The following DCTN1 variants were observed in gnomAD, a reference collection of about 807,000 sequenced individuals.
DCTN1 encodes dynactin subunit 1.
Under a neutral mutation model 161.2 loss-of-function variants are expected in DCTN1, and 61 were observed. The ratio of observed to expected loss-of-function variants is 0.38; its 90% CI spans 0.31 to 0.47. DCTN1 has a LOEUF of 0.47. Among genes scored for constraint, DCTN1 ranks in the 20% least tolerant of loss-of-function variants. The probability of loss-of-function intolerance (pLI) is 0.99; values close to 1 mark genes in which losing one functional copy is unlikely to be tolerated. For missense variants in DCTN1, 1,404 were observed against 1,623.7 expected, an observed-to-expected ratio of 0.86 and a Z score of 2.33; for synonymous variants, 653 against 632.4, an observed-to-expected ratio of 1.03 and a Z score of -0.49.
At chr2:74,390,413 T>C (rs182136855) in intron 1 of DCTN1, among the ~76,000 whole-genome samples, 1 of 152,354 alleles carries the variant, frequency 6.6e-6, no homozygotes, top group Non-Finnish European at 1.5e-5. Context: ...TGGGATGCCC[T>C]ATATGCAGAT....
At chr2:74,365,346 G>T (rs946495100) in intron 25 of DCTN1, 105 bp from the exon 26 acceptor site, 2 of 1,558,708 alleles carry the variant, frequency 1.3e-6, no homozygotes, top group Admixed American at 1.8e-5. Context: ...GAGAAGCCAG[G>T]GCAGAGCAGC....
At chr2:74,375,976 C>A (rs1675198960) in intron 5 of DCTN1, among the ~76,000 whole-genome samples, 1 of 152,190 alleles carries the variant, frequency 6.6e-6, no homozygotes, top group African/African-American at 2.4e-5. Context: ...TACATACAGG[C>A]CAGACAGGCA....
In DCTN1 at chr2:74,365,884, T is replaced by G. The variant is rs987924253; in HGVS notation, c.2886+9A>C. ...TGGCCCCCAGATCCTGAGCCTACACTACCCTCACCTTAATCTTGAGTGACT... is the reference window on the plus strand; with the variant it reads ...TGGCCCCCAGATCCTGAGCCTACACGACCCTCACCTTAATCTTGAGTGACT... On this transcript the variant is annotated intron_variant, in intron 24 of 31. Coordinates refer to ENST00000628224, the MANE Select transcript of DCTN1 (RefSeq NM_004082.5). 6.2e-7 allele frequency: 1 copy of G among 1,614,208 alleles called. No homozygotes were observed. Among genetic ancestry groups the G allele is most frequent in the Non-Finnish European group, 8.5e-7 (1 of 1,180,032 alleles).
chr2:74,363,287 C>G lies in DCTN1; in HGVS notation c.3345+7G>C, dbSNP rs1389891195. On this transcript the variant is annotated splice_region_variant and intron_variant, in intron 28 of 31. Transcript: ENST00000628224. ...TCCCATCCCAGTCCTCCCCGTGGCT[C>G]CCTCACCTTGAGGATGCTGTTCTCA... 3.7e-6 allele frequency: 6 copies of G among 1,613,954 alleles called. No homozygotes were observed. The highest frequency in any genetic ancestry group is 5.1e-6 in the Non-Finnish European group (6 of 1,180,002).
chr2:74,380,746 C>T (rs993264404), upstream of DCTN1, among the ~76,000 whole-genome samples: 1 of 152,192 alleles, frequency 6.6e-6, no homozygotes, highest in South Asian at 2.1e-4. Context: ...GCCCAGGAGG[C>T]AGCAAGAGAA....
chr2:74,362,874 A>G, intron 29 of DCTN1, 120 bp downstream of exon 29: 1 of 1,358,654 alleles, frequency 7.4e-7, no homozygotes. Flanking sequence ...TGAACAGTGA[A>G]GCCAAAGAAC....
Position 74,367,680 on chromosome 2 carries a change from A to C in DCTN1, c.2184+16T>G. 3 of 1,614,108 alleles carry C rather than the reference A, an allele frequency of 1.9e-6. No homozygotes were observed. Among genetic ancestry groups the C allele is most frequent in the South Asian group, 1.1e-5 (1 of 91,064 alleles). ...TTCCCTGCCTCCTGCCCCAAGCCCA[A>C]ATTCTTGCCCCACACCTGATAGTAC... On this transcript the variant is annotated intron_variant, in intron 18 of 31. Coordinates refer to ENST00000628224, the MANE Select transcript of DCTN1 (RefSeq NM_004082.5).
chr2:74,370,396 T>C lies in DCTN1; in HGVS notation c.1128-51A>G, dbSNP rs1299238045. 8 of 1,614,068 alleles carry C rather than the reference T, an allele frequency of 5.0e-6. No individual in the cohort carries two copies. In the East Asian group the frequency reaches 1.6e-4, roughly 31 times the overall value. On this transcript the variant is annotated intron_variant, in intron 11 of 31. Coordinates refer to ENST00000628224, the MANE Select transcript of DCTN1 (RefSeq NM_004082.5). This position sits in a 1 kb window ranked among gnomAD's most constrained non-coding sequence, Gnocchi z 4.4. The stretch of plus-strand genomic sequence containing the variant: ...GGAGGAAAGCACGTGTCAGAGTCTC[T>C]GGCGATGGGTGCTCTAACACATTTG...
At chr2:74,371,280 C>T (rs991735887) in intron 8 of DCTN1, 104 bp from the exon 9 acceptor site, 3 of 1,601,514 alleles carry the variant, frequency 1.9e-6, no homozygotes, top group Non-Finnish European at 2.5e-6. Context: ...ATCACCCAGC[C>T]CCAGGGTGGC....
intron 31 of DCTN1, 142 bp downstream of exon 31, chr2:74,361,910 T>C (rs1401153737): frequency 2.6e-5 from 24 of 913,598 alleles, no homozygotes; most frequent in African/African-American, 1.5e-4. Context: ...CTGAGTTACT[T>C]GTAAGTAAAA....
rs774374037 is a variant in DCTN1, at chr2:74,362,097, T to C, written c.3654A>G (p.Thr1218=). 67 of 1,613,734 alleles carry C rather than the reference T, an allele frequency of 4.2e-5. No homozygotes were observed. Among genetic ancestry groups the C allele is most frequent in the Non-Finnish European group, 4.7e-5 (56 of 1,179,862 alleles). The change falls in exon 31 of 32, where the codon ACA becomes ACG. Residue 1218 remains threonine (T), a synonymous_variant. Coordinates refer to ENST00000628224, the MANE Select transcript of DCTN1 (RefSeq NM_004082.5). ...KETVSQRPGA[T]VPTDFATFPS... ...GGAAGGTGGCAAAGTCAGTGGGTACTGTGGCTCCAGGGCGCTGAGATACTG... is the reference window on the plus strand; with the variant it reads ...GGAAGGTGGCAAAGTCAGTGGGTACCGTGGCTCCAGGGCGCTGAGATACTG...
chr2:74,385,514 A>T (rs1287906319), intron 1 of DCTN1: 1 of 152,290 alleles, frequency 6.6e-6, no homozygotes, highest in Non-Finnish European at 1.5e-5. Context: ...ACTTCAGCAA[A>T]AGCCAAAGCA....
chr2:74,362,450 C>G (rs1198441568), intron 30 of DCTN1, among the ~76,000 whole-genome samples, 200 bp downstream of exon 30: 2 of 152,154 alleles, frequency 1.3e-5, no homozygotes, highest in Non-Finnish European at 2.9e-5. Flanking sequence ...AAAGATTACC[C>G]TAGCTTATCC....
At position 74,371,523 on chromosome 2, in the gene DCTN1, AC is replaced by A; in HGVS notation, c.645+13del. 1 of 1,558,614 alleles carries A rather than the reference AC, an allele frequency of 6.4e-7. No individual in the cohort carries two copies. The highest frequency in any genetic ancestry group is 1.2e-5 in the South Asian group (1 of 84,626). On this transcript the variant is annotated intron_variant, in intron 8 of 31. Transcript: ENST00000628224. The stretch of plus-strand genomic sequence containing the variant: ...GGTGTCTTGATTCTCCTTTACCCCT[AC>A]CCCAGGCCTTACCTTGGATGGGGAA...
In DCTN1 at chr2:74,370,769, A is replaced by G; in HGVS notation, c.900T>C (p.Thr300=). The G allele has an allele frequency of 6.2e-7, 1 of 1,614,190 alleles. No homozygotes were observed. Among genetic ancestry groups the G allele is most frequent in the South Asian group, 1.1e-5 (1 of 91,086 alleles). ...KERYMEEMAD[T]ADAIEMATLD... ...AAGTGGCCATCTCAATGGCATCAGC[A>G]GTATCAGCCATCTCCTCCATATAGC... Residue 300 remains threonine (T), a synonymous_variant, in exon 10 of 32, where the codon ACT becomes ACC. Coordinates refer to ENST00000628224, the MANE Select transcript of DCTN1 (RefSeq NM_004082.5). This position sits in a 1 kb window ranked among gnomAD's most constrained non-coding sequence, Gnocchi z 4.4.
Position 74,370,358 on chromosome 2 carries a change from G to C in DCTN1, c.1128-13C>G, listed in dbSNP as rs1674745312. On this transcript the variant is annotated splice_polypyrimidine_tract_variant and intron_variant, in intron 11 of 31. Transcript: ENST00000628224. The surrounding 1 kb of genome is among the most constrained non-coding windows in gnomAD (Gnocchi z 4.4). The stretch of plus-strand genomic sequence containing the variant: ...AAGATCCCGCATCCTGCAGGGATGT[G>C]AGGAAGGCAGAAGGAGGAAAGCACG... 1 of 1,613,982 alleles carries C rather than the reference G, an allele frequency of 6.2e-7. No homozygotes were observed.
Position 74,367,552 on chromosome 2 carries a change from G to T in DCTN1, c.2185-132C>A, listed in dbSNP as rs1558938122. ...GAGAATCCAAAGCCCTCAAGCAGCT[G>T]CATCATATGGAGAGTTCATCTAAGA... On this transcript the variant is annotated intron_variant, in intron 18 of 31. Coordinates refer to ENST00000628224, the MANE Select transcript of DCTN1 (RefSeq NM_004082.5). The T allele has an allele frequency of 4.1e-6, 6 of 1,468,876 alleles. No homozygotes were observed. The Admixed American group carries it at 5.4e-5, about 13-fold the overall frequency. The allele number at this position is 1,468,876 out of a possible 1,614,324, so 91.0% of individuals were successfully genotyped here. A position where few individuals can be genotyped will look rare whatever the true frequency, so the allele number is the denominator to read the frequency against.
Position 74,366,391 on chromosome 2 carries a change from G to A in DCTN1, c.2629-16C>T. ...TCCCATAGATCTGCAGGAGCCAAGG[G>A]CAGAAGTAAAAGCCCCACACTGGTC... On this transcript the variant is annotated splice_polypyrimidine_tract_variant and intron_variant, in intron 22 of 31. Coordinates refer to ENST00000628224, the MANE Select transcript of DCTN1 (RefSeq NM_004082.5). 1 of 1,614,204 alleles carries A rather than the reference G, an allele frequency of 6.2e-7. No individual in the cohort carries two copies. Among genetic ancestry groups the A allele is most frequent in the Non-Finnish European group, 8.5e-7 (1 of 1,180,044 alleles).
At chr2:74,373,867 G>T (rs1675046648) in intron 6 of DCTN1, among the ~76,000 whole-genome samples, 1 of 152,160 alleles carries the variant, frequency 6.6e-6, no homozygotes, top group Admixed American at 6.5e-5. Context: ...ACTATTCTAG[G>T]TTCCCCATCC....
Sources: gnomAD v4.1 joint callset for allele counts (sites outside exome capture counted in the v4.1 genomes callset) on GRCh38, gnomAD v4.1.1 for gene constraint, Gnocchi (gnomAD v3.1) non-coding constraint, MANE v1.5 for transcripts, NCBI Gene and HGNC (gene_info 2026-07-23, HGNC 2026-07-21) for gene names.